IFT74: variants seen among roughly 807,000 people sequenced by gnomAD.
IFT74 encodes the protein intraflagellar transport protein 74 homolog.
A neutral mutation model predicts 96.7 loss-of-function variants in IFT74; 92 were observed. That is an observed-to-expected ratio of 0.95 (90% CI 0.80 to 1.13). The LOEUF (loss-of-function observed/expected upper bound fraction) is 1.13. Among genes scored for constraint, IFT74 ranks in the 50% most tolerant of loss-of-function variants. IFT74 has a pLI of 0.00. For missense variants in IFT74, 811 were observed against 698.2 expected (o/e 1.16, Z -1.82); for synonymous variants, 223 against 213.2 (o/e 1.05, Z -0.40).
rs71841244 is a variant in IFT74 at position 26,948,448 on chromosome 9, A to ATTTTTTTTTTTTTTTTTTTTTTTTTTT, written c.-20+1316_-20+1342dup. Among the ~76,000 whole-genome samples, 3 of 59,162 alleles carry ATTTTTTTTTTTTTTTTTTTTTTTTTTT rather than the reference A, an allele frequency of 5.1e-5. 1 individual carries two copies. The highest frequency in any genetic ancestry group is 7.7e-5 in the Non-Finnish European group (2 of 26,084). 38.8% of individuals were successfully genotyped at this position (59,162 alleles called of 152,430 possible). ...TGACAACCTGTGATGGCTTTCCATTATTTTTTTTTTTTTTTTTTTTTTTTT... is the reference window on the plus strand; with the variant it reads ...TGACAACCTGTGATGGCTTTCCATTATTTTTTTTTTTTTTTTTTTTTTTTTTTTTTTTTTTTTTTTTTTTTTTTTTTT... On this transcript the variant is annotated intron_variant, in intron 1 of 19. Transcript: ENST00000433700.
chr9:26,957,667 C>T (rs1427930397), intron 1 of IFT74, among the ~76,000 whole-genome samples: 1 of 152,156 alleles, frequency 6.6e-6, no homozygotes, highest in Non-Finnish European at 1.5e-5. Flanking sequence ...TATAAAGATG[C>T]ATGACTGTAG....
chr9:26,994,536 C>CA (rs1170964624), intron 8 of IFT74: 3,172 of 57,658 alleles, frequency 0.055, 50 homozygotes, highest in Middle Eastern at 0.085. Context: ...GACTTTGTCT[C>CA]AAAAAAAAAA....
chr9:27,039,208 T>C (rs1177687467), intron 13 of IFT74, among the ~76,000 whole-genome samples: 1 of 152,154 alleles, frequency 6.6e-6, no homozygotes, highest in African/African-American at 2.4e-5. Context: ...ATTTTTAAAT[T>C]TTTTGTAAAG....
At chr9:26,993,086 T>G (rs1441820928) in intron 8 of IFT74, 1 of 152,232 alleles carries the variant, frequency 6.6e-6, no homozygotes, top group Non-Finnish European at 1.5e-5. Flanking sequence ...TTAATATTAG[T>G]CAAGATCAGT....
At chr9:26,980,879 C>G (rs1290732651) in intron 4 of IFT74, among the ~76,000 whole-genome samples, 1 of 152,028 alleles carries the variant, frequency 6.6e-6, no homozygotes, top group African/African-American at 2.4e-5. Context: ...TATATTTTCC[C>G]TCAGTTTGTT....
intron 3 of IFT74, among the ~76,000 whole-genome samples, chr9:26,978,862 T>C (rs1827235388): frequency 6.6e-6 from 1 of 152,178 alleles, no homozygotes; most frequent in East Asian, 1.9e-4. Context: ...AAATCTCTCA[T>C]TATGCTTCTG....
chr9:26,961,851 GA>G, intron 1 of IFT74, 97 bp from the exon 2 acceptor site: 1 of 1,325,348 alleles, frequency 7.5e-7, no homozygotes, highest in Non-Finnish European at 1.1e-6. Flanking sequence ...CAGTTTGCAA[GA>G]ACAATTGTTG....
intron 1 of IFT74, among the ~76,000 whole-genome samples, chr9:26,957,575 C>A (rs1361204064): frequency 6.6e-6 from 1 of 152,088 alleles, no homozygotes; most frequent in African/African-American, 2.4e-5. Context: ...TTCAGATAAA[C>A]AATTGAAAAC....
rs1046865414 is a variant in IFT74, at chr9:27,065,958, T to G, written c.*3222T>G. On this transcript the variant is annotated 3_prime_UTR_variant, in exon 20 of 20. Coordinates refer to ENST00000380062, the MANE Select transcript of IFT74 (RefSeq NM_025103.4). ...CTGAAAAACATTTTTAAAAAGGCAATTTTTAATACAAAGGTAGATAATTTA... is the reference window on the plus strand; with the variant it reads ...CTGAAAAACATTTTTAAAAAGGCAAGTTTTAATACAAAGGTAGATAATTTA... Among the ~76,000 whole-genome samples the G allele has an allele frequency of 6.6e-6, 1 of 152,210 alleles. No homozygotes were observed. Among genetic ancestry groups the G allele is most frequent in the Non-Finnish European group, 1.5e-5 (1 of 68,032 alleles).
chr9:27,003,542 T>A (rs914057296), intron 8 of IFT74, among the ~76,000 whole-genome samples: 5 of 151,946 alleles, frequency 3.3e-5, no homozygotes, highest in Non-Finnish European at 7.4e-5. Flanking sequence ...AAAGAAAAAC[T>A]AATCAGAGTA....
rs143791301 is a variant in IFT74, at chr9:26,994,971, A to C, written c.587+4776A>C. 1,294 of 152,610 alleles carry C rather than the reference A, an allele frequency of 8.5e-3. 16 individuals carry two copies. Among genetic ancestry groups the C allele is most frequent in the African/African-American group, 0.029 (1,204 of 41,562 alleles). 9.5% of individuals were successfully genotyped at this position (152,610 alleles called of 1,614,324 possible). A position where few individuals can be genotyped will look rare whatever the true frequency, so the allele number is the denominator to read the frequency against. ...CCTGAACATTGTGCTTGTGCTTTAA[A>C]TTGCTATGAAATTTTAAGGAAATTT... On this transcript the variant is annotated intron_variant, in intron 8 of 19. Transcript: ENST00000380062.
intron 6 of IFT74, among the ~76,000 whole-genome samples, chr9:26,986,214 G>A (rs974392142): frequency 2.0e-5 from 3 of 152,156 alleles, no homozygotes; most frequent in Admixed American, 2.0e-4. Context: ...ACTTGATAGT[G>A]TTACCTTGTG....
At chr9:26,975,693 C>T (rs771894356) in intron 2 of IFT74, among the ~76,000 whole-genome samples, 2 of 152,182 alleles carry the variant, frequency 1.3e-5, no homozygotes, top group Non-Finnish European at 2.9e-5. Context: ...AGAGATTTCT[C>T]GCCCTCCGTC....
intron 9 of IFT74, among the ~76,000 whole-genome samples, chr9:27,011,272 A>G (rs1417997465): frequency 6.6e-6 from 1 of 152,186 alleles, no homozygotes; most frequent in South Asian, 2.1e-4. Context: ...AAGAAAGAGT[A>G]TGATAGAAAT....
intron 3 of IFT74, among the ~76,000 whole-genome samples, chr9:26,978,469 T>C: frequency 6.6e-6 from 1 of 152,212 alleles, no homozygotes; most frequent in East Asian, 1.9e-4. Context: ...ATCGTTATTC[T>C]TTGATTCACA....
At chr9:26,996,130 G>A (rs1023569391) in intron 8 of IFT74, among the ~76,000 whole-genome samples, 1 of 152,132 alleles carries the variant, frequency 6.6e-6, no homozygotes, top group African/African-American at 2.4e-5. Flanking sequence ...TAATTTGCAC[G>A]ATGGCATTTG....
Position 27,063,717 on chromosome 9 carries a change from T to G in IFT74, c.*981T>G, listed in dbSNP as rs184841561. ...CATTGATTTCTTAAACCAAAATAGC[T>G]TTATTGAGATATTATTTACATACTT... On this transcript the variant is annotated 3_prime_UTR_variant, in exon 20 of 20. Transcript: ENST00000380062. Among the ~76,000 whole-genome samples, 4 of 152,264 alleles carry G rather than the reference T, an allele frequency of 2.6e-5. No homozygotes were observed. In the East Asian group the frequency reaches 7.7e-4, roughly 29 times the overall value.
intron 10 of IFT74, among the ~76,000 whole-genome samples, chr9:27,015,154 G>A (rs999940432): frequency 6.6e-5 from 10 of 152,046 alleles, no homozygotes; most frequent in Admixed American, 1.3e-4. Flanking sequence ...AAAAGGAGAC[G>A]ATACTATGAA....
At position 26,956,441 on chromosome 9, in the gene IFT74, A is replaced by G. The variant is rs917992142; in HGVS notation, c.-95A>G. On this transcript the variant is annotated 5_prime_UTR_variant, in exon 1 of 20. Coordinates refer to ENST00000380062, the MANE Select transcript of IFT74 (RefSeq NM_025103.4). ...AGTGGGTAGGCCTGAGAGCCGAGGA[A>G]AACTGAGCGTGGGCCTCAGAAAGAA... 2 of 152,238 alleles carry G rather than the reference A, an allele frequency of 1.3e-5. No homozygotes were observed. Among genetic ancestry groups the G allele is most frequent in the Admixed American group, 6.5e-5 (1 of 15,290 alleles). The allele number at this position is 152,238 out of a possible 1,614,324, so 9.4% of individuals were successfully genotyped here.
Sources: gnomAD v4.1 joint callset for allele counts (sites outside exome capture counted in the v4.1 genomes callset) on GRCh38, gnomAD v4.1.1 for gene constraint, MANE v1.5 for transcripts, NCBI Gene and HGNC (gene_info 2026-07-23, HGNC 2026-07-21) for gene names.